DOCK1: variants seen among roughly 807,000 people sequenced by gnomAD.
The protein encoded by DOCK1 is dedicator of cytokinesis 1, also known as dedicator of cytokinesis protein 1.
Under a neutral mutation model 262.7 loss-of-function variants are expected in DOCK1, and 138 were observed. The observed-to-expected ratio is 0.53, with a 90% CI of 0.46 to 0.61. DOCK1 has a LOEUF of 0.61. DOCK1 is among the 20% of genes least tolerant of loss of function. The pLI is 0.00. For missense variants in DOCK1, 1,908 were observed against 2,370.7 expected, an observed-to-expected ratio of 0.80 and a Z score of 4.05; for synonymous variants, 866 against 867.4, an observed-to-expected ratio of 1.00 and a Z score of 0.03.
At chr10:126,909,856 T>C (rs926020984) in intron 1 of DOCK1, among the ~76,000 whole-genome samples, 1 of 152,248 alleles carries the variant, frequency 6.6e-6, no homozygotes, top group African/African-American at 2.4e-5. Flanking sequence ...TAGTGACAAG[T>C]GACTTCTGTG....
chr10:127,125,651 A>G (rs1297484698), intron 26 of DOCK1, 50 bp downstream of exon 26: 34 of 1,592,626 alleles, frequency 2.1e-5, no homozygotes, highest in Non-Finnish European at 2.6e-5. Flanking sequence ...TGAACCTGCC[A>G]TTTGCCTTGC....
intron 32 of DOCK1, among the ~76,000 whole-genome samples, chr10:127,358,020 C>A (rs2064229365): frequency 1.3e-5 from 2 of 151,284 alleles, no homozygotes; most frequent in African/African-American, 4.9e-5. Flanking sequence ...TTTAATTTTA[C>A]TTTTTGTAAA....
chr10:127,408,411 G>C (rs567398282), intron 40 of DOCK1, among the ~76,000 whole-genome samples: 1 of 152,160 alleles, frequency 6.6e-6, no homozygotes, highest in Non-Finnish European at 1.5e-5. Context: ...CCTGCTCTCC[G>C]TCCATCGCCA....
rs182930795 is a variant in DOCK1, at chr10:127,422,455, G to A, written c.4776+2706G>A. 1.8e-3 allele frequency among the ~76,000 whole-genome samples: 270 copies of A among 152,140 alleles called. 2 individuals carry two copies. The highest frequency in any genetic ancestry group is 7.7e-3 in the South Asian group (37 of 4,816). On this transcript the variant is annotated intron_variant, in intron 46 of 51. Coordinates refer to ENST00000623213, the MANE Select transcript of DOCK1 (RefSeq NM_001290223.2). ...GCTGGGATTACAGGTGTGAGCCACCGTGCCTGGCCTGTTTATCTTTTAAGT... is the reference window on the plus strand; with the variant it reads ...GCTGGGATTACAGGTGTGAGCCACCATGCCTGGCCTGTTTATCTTTTAAGT...
At chr10:127,034,059 A>G (rs2043420782) in intron 18 of DOCK1, among the ~76,000 whole-genome samples, 1 of 152,130 alleles carries the variant, frequency 6.6e-6, no homozygotes, top group South Asian at 2.1e-4. Context: ...TGTGGGATCT[A>G]TGCAGCCGTG....
intron 2 of DOCK1, among the ~76,000 whole-genome samples, chr10:126,975,188 CATGGCTCTA>C (rs1417817487): frequency 6.6e-6 from 1 of 152,110 alleles, no homozygotes; most frequent in African/African-American, 2.4e-5. Flanking sequence ...CCCTTTAGTC[CATGGCTCTA>C]ACTGCATCGT....
intron 1 of DOCK1, among the ~76,000 whole-genome samples, chr10:126,938,595 A>G (rs1463593706): frequency 6.6e-6 from 1 of 152,202 alleles, no homozygotes; most frequent in Non-Finnish European, 1.5e-5. Context: ...GACAACATAC[A>G]TGAGACTGGA....
chr10:127,387,101 G>A (rs555663888), intron 38 of DOCK1, among the ~76,000 whole-genome samples: 13 of 152,330 alleles, frequency 8.5e-5, no homozygotes, highest in African/African-American at 2.9e-4. Flanking sequence ...CAGAGGTCAC[G>A]GGACTGAAGG....
chr10:127,050,637 G>T (rs1018862580), intron 21 of DOCK1, among the ~76,000 whole-genome samples: 2 of 151,812 alleles, frequency 1.3e-5, no homozygotes, highest in African/African-American at 4.8e-5. Flanking sequence ...CCTGGGAGGT[G>T]GAGGTTTCAG....
chr10:127,363,686 C>T (rs2064724544), intron 33 of DOCK1, among the ~76,000 whole-genome samples: 1 of 152,064 alleles, frequency 6.6e-6, no homozygotes, highest in African/African-American at 2.4e-5. Context: ...TTTAAGGGAG[C>T]TTTGAGTAGT....
intron 25 of DOCK1, among the ~76,000 whole-genome samples, chr10:127,114,851 G>A (rs1171998454): frequency 1.3e-5 from 2 of 151,686 alleles, no homozygotes; most frequent in African/African-American, 4.8e-5. Context: ...GTGCCTCCCG[G>A]GTTCAATCGA....
intron 51 of DOCK1, among the ~76,000 whole-genome samples, chr10:127,449,899 T>C (rs2070843527): frequency 6.6e-6 from 1 of 152,190 alleles, no homozygotes; most frequent in Non-Finnish European, 1.5e-5. Flanking sequence ...ATTAATCATT[T>C]TGCTTAATGG....
At chr10:127,346,751 C>T (rs539568973) in intron 31 of DOCK1, among the ~76,000 whole-genome samples, 275 of 152,362 alleles carry the variant, frequency 1.8e-3, no homozygotes, top group African/African-American at 6.2e-3. Context: ...TCAGGAGCCA[C>T]CCAGGGCCTC....
At chr10:127,261,745 GCT>G in intron 29 of DOCK1, among the ~76,000 whole-genome samples, 2 of 140,430 alleles carry the variant, frequency 1.4e-5, no homozygotes, top group African/African-American at 5.5e-5. Flanking sequence ...GTGTACCCGT[GCT>G]CATCTGTGTG....
intron 10 of DOCK1, among the ~76,000 whole-genome samples, chr10:127,006,328 T>A (rs1250123340): frequency 6.6e-6 from 1 of 152,204 alleles, no homozygotes; most frequent in Non-Finnish European, 1.5e-5. Context: ...CACTGCCTCC[T>A]TCCTTCTCCT....
intron 29 of DOCK1, among the ~76,000 whole-genome samples, chr10:127,298,728 G>A (rs1268306608): frequency 1.3e-5 from 2 of 152,164 alleles, no homozygotes; most frequent in Non-Finnish European, 2.9e-5. Flanking sequence ...AAACTTGTCG[G>A]GGTTTATATT....
At chr10:127,030,818 G>GTCTCTA (rs1256805996) in intron 16 of DOCK1, among the ~76,000 whole-genome samples, 1 of 147,032 alleles carries the variant, frequency 6.8e-6, no homozygotes, top group Non-Finnish European at 1.5e-5. Context: ...CTCTGTCTCT[G>GTCTCTA]TCTCTATCTC....
chr10:127,193,068 T>C (rs568714789), intron 27 of DOCK1, among the ~76,000 whole-genome samples: 20 of 152,360 alleles, frequency 1.3e-4, no homozygotes, highest in African/African-American at 3.4e-4. Flanking sequence ...CTTTAAAATA[T>C]TGAAGTCACC....
At chr10:127,292,755 C>T (rs996108905) in intron 29 of DOCK1, among the ~76,000 whole-genome samples, 2 of 152,084 alleles carry the variant, frequency 1.3e-5, no homozygotes, top group African/African-American at 2.4e-5. Context: ...GAAATAAAGT[C>T]GTTCCCGCAG....
Sources: allele counts gnomAD v4.1 joint callset (sites outside exome capture counted in the v4.1 genomes callset), GRCh38; gene constraint gnomAD v4.1.1; transcripts MANE v1.5; gene names NCBI Gene and HGNC (gene_info 2026-07-23, HGNC 2026-07-21).